Variants in BSG observed in about 807,000 individuals in gnomAD.
BSG encodes basigin (Ok blood group), also known as basigin.
In BSG, 37 loss-of-function variants were observed where a neutral mutation model predicts 43.1. The observed-to-expected ratio is 0.86, with a 90% CI of 0.66 to 1.13. The LOEUF is 1.13. Ranked by LOEUF, BSG falls within the 50% of genes most tolerant of loss-of-function variation. The pLI, the probability that BSG is intolerant of heterozygous loss-of-function variation, is 0.00. For missense variants in BSG, 599 were observed against 554.2 expected (o/e 1.08, Z -0.81); for synonymous variants, 309 against 238.7 (o/e 1.29, Z -2.72).
intron 2 of BSG, 86 bp downstream of exon 2, chr19:578,207 A>C: frequency 2.3e-6 from 3 of 1,293,294 alleles, no homozygotes; most frequent in Non-Finnish European, 3.1e-6. Context: ...TAGAACCCAG[A>C]CGCCTCCTCC....
chr19:582,454 GGTGACTTGGAGAGA>G lies in BSG; in HGVS notation c.1095-51_1095-38del, dbSNP rs1453472312. ...GGTCCTGGGGGCCGGGGTGGGCAGGGGTGACTTGGAGAGAGTGACTTGCGGGGGACACCCTCTCA... is the reference window on the plus strand; with the variant it reads ...GGTCCTGGGGGCCGGGGTGGGCAGGGGTGACTTGCGGGGGACACCCTCTCA... On this transcript the variant is annotated intron_variant, in intron 7 of 8. Coordinates refer to ENST00000333511, the MANE Select transcript of BSG (RefSeq NM_001728.4). The G allele has an allele frequency of 1.4e-4, 222 of 1,602,410 alleles. 1 individual carries two copies. The highest frequency in any genetic ancestry group is 1.4e-3 in the Admixed American group (80 of 58,950).
chr19:580,580 C>T (rs1294740814), intron 4 of BSG, 66 bp from the exon 5 acceptor site: 4 of 1,607,368 alleles, frequency 2.5e-6, no homozygotes, highest in Middle Eastern at 1.7e-4. Context: ...AACAGCCCTC[C>T]TGCGGGAGGC....
chr19:582,411 T>G, intron 7 of BSG, 81 bp downstream of exon 7: 1 of 1,514,976 alleles, frequency 6.6e-7, no homozygotes, highest in Non-Finnish European at 9.0e-7. Flanking sequence ...GCAGAGCCCC[T>G]GGGCTTCAGT....
At chr19:580,047 G>C (rs1488526317) in intron 3 of BSG, 2 of 414,054 alleles carry the variant, frequency 4.8e-6, no homozygotes, top group Non-Finnish European at 8.7e-6. Context: ...GTCATAACTG[G>C]GGCTGGGACG....
upstream of BSG, chr19:571,455 A>G: frequency 3.9e-6 from 3 of 760,250 alleles, no homozygotes; most frequent in South Asian, 4.1e-5. Flanking sequence ...TCGCCGCGGA[A>G]CTTCAAGGGT....
chr19:573,079 C>G (rs1364578328), intron 1 of BSG, among the ~76,000 whole-genome samples: 4 of 119,724 alleles, frequency 3.3e-5, no homozygotes, highest in Non-Finnish European at 5.2e-5. Flanking sequence ...GACCTGCTTC[C>G]TGGGTGAGGG....
Position 577,642 on chromosome 19 carries a change from C to G in BSG, c.68-132C>G. 5 of 718,668 alleles carry G rather than the reference C, an allele frequency of 7.0e-6. No individual in the cohort carries two copies. In the Admixed American group the frequency reaches 1.6e-4, roughly 23 times the overall value. 44.5% of individuals were successfully genotyped at this position (718,668 alleles called of 1,614,324 possible). On this transcript the variant is annotated intron_variant, in intron 1 of 8. Transcript: ENST00000333511. ...CTGTTTCCAGCCGGGCCCCATCACT[C>G]TCCCACAAGCTGAAAGGAAGTGGCT...
intron 1 of BSG, among the ~76,000 whole-genome samples, chr19:575,684 T>C (rs1227506738): frequency 6.7e-6 from 1 of 148,832 alleles, no homozygotes; most frequent in Non-Finnish European, 1.5e-5. Context: ...GCGGCCTGCC[T>C]GGCCCTGAGC....
In BSG at chr19:582,589, T is replaced by C. The variant is rs1982425926; in HGVS notation, c.*5+7T>C. On this transcript the variant is annotated splice_region_variant and intron_variant, in intron 8 of 8. Transcript: ENST00000333511. ...GGAACTCTTCCTGAGGCAGGTGCGG[T>C]GGGCGGGAGCTCCTCCTGAGCCAGG... 1 of 866,374 alleles carries C rather than the reference T, an allele frequency of 1.2e-6. No homozygotes were observed. Among genetic ancestry groups the C allele is most frequent in the African/African-American group, 3.8e-5 (1 of 26,100 alleles). The allele number at this position is 866,374 out of a possible 1,614,324, so 53.7% of individuals were successfully genotyped here. A position where few individuals can be genotyped will look rare whatever the true frequency, so the allele number is the denominator to read the frequency against.
chr19:580,612 G>A lies in BSG; in HGVS notation c.656-34G>A, dbSNP rs200189683. On this transcript the variant is annotated intron_variant, in intron 4 of 8. Transcript: ENST00000333511. Reference sequence around the variant, plus strand: ...AGGCCGGGGATGGGGGCGGGCCTGCGGTTCCAGGCTCCTCTCTCTCACCCT... The same window carrying A: ...AGGCCGGGGATGGGGGCGGGCCTGCAGTTCCAGGCTCCTCTCTCTCACCCT... 1.4e-4 allele frequency: 230 copies of A among 1,611,768 alleles called. 2 individuals are homozygous for A. In the African/African-American group the frequency reaches 2.5e-3, roughly 18 times the overall value.
chr19:581,766 G>T (rs1375577661), intron 6 of BSG, among the ~76,000 whole-genome samples, 175 bp downstream of exon 6: 1 of 152,272 alleles, frequency 6.6e-6, no homozygotes, highest in African/African-American at 2.4e-5. Flanking sequence ...GCCCCGGGCA[G>T]CTGCGGCTCA....
In BSG at chr19:581,466, C is replaced by A; in HGVS notation, c.944C>A (p.Thr315Lys). The stretch of plus-strand genomic sequence containing the variant: ...AAGGGCTCCGACCAGGCCATCATCA[C>A]GCTCCGCGTGCGCAGCCACCTGGCC... The part of the protein sequence containing the change: ...SSKGSDQAII[T>K]LRVRSHLAAL... The change falls in exon 6 of 9, where the codon ACG becomes AAG. Residue 315 changes from threonine to lysine, a missense_variant. Coordinates refer to ENST00000333511, the MANE Select transcript of BSG (RefSeq NM_001728.4). 6.2e-7 allele frequency: 1 copy of A among 1,610,430 alleles called. No homozygotes were observed. Among genetic ancestry groups the A allele is most frequent in the South Asian group, 1.1e-5 (1 of 90,730 alleles).
intron 1 of BSG, among the ~76,000 whole-genome samples, 186 bp from the exon 2 acceptor site, chr19:577,588 G>A (rs759965857): frequency 3.3e-5 from 5 of 152,170 alleles, no homozygotes; most frequent in Non-Finnish European, 7.3e-5. Context: ...AGCAGTGGAC[G>A]GGACGCCCAC....
chr19:581,467 G>A lies in BSG; in HGVS notation c.945G>A (p.Thr315=), dbSNP rs773330019. Residue 315 remains threonine (T), a synonymous_variant, in exon 6 of 9, where the codon ACG becomes ACA. Coordinates refer to ENST00000333511, the MANE Select transcript of BSG (RefSeq NM_001728.4). ...SSKGSDQAII[T]LRVRSHLAAL... ...AGGGCTCCGACCAGGCCATCATCACGCTCCGCGTGCGCAGCCACCTGGCCG... is the reference window on the plus strand; with the variant it reads ...AGGGCTCCGACCAGGCCATCATCACACTCCGCGTGCGCAGCCACCTGGCCG... 2.5e-6 allele frequency: 4 copies of A among 1,609,744 alleles called. No homozygotes were observed. The highest frequency in any genetic ancestry group is 1.7e-5 in the Admixed American group (1 of 59,418).
intron 2 of BSG, 155 bp downstream of exon 2, chr19:578,276 G>T: frequency 1.3e-6 from 1 of 782,972 alleles, no homozygotes; most frequent in East Asian, 3.1e-5. Context: ...GCCCGGACCT[G>T]AAGGGGGTGG....
chr19:578,173 G>T (rs778151013), intron 2 of BSG, 52 bp downstream of exon 2: 2 of 1,447,302 alleles, frequency 1.4e-6, no homozygotes, highest in Non-Finnish European at 1.8e-6. Flanking sequence ...CTCCTGTGCC[G>T]CTCGCCTCCC....
rs1210871662 is a variant in BSG, at chr19:582,567, A to G, written c.1148A>G (p.Asn383Ser). ...AAAGGCAAGAACGTCCGCCAGAGGA[A>G]CTCTTCCTGAGGCAGGTGCGGTGGG... ...NDKGKNVRQR[N>S]SS is the part of the protein sequence containing the mutation. Residue 383 changes from asparagine (N) to serine (S), a missense_variant, in exon 8 of 9, where the codon AAC (asparagine) becomes AGC (serine). Coordinates refer to ENST00000333511, the MANE Select transcript of BSG (RefSeq NM_001728.4). 3.5e-6 allele frequency: 5 copies of G among 1,423,860 alleles called. No homozygotes were observed. Among genetic ancestry groups the G allele is most frequent in the Non-Finnish European group, 3.7e-6 (4 of 1,067,828 alleles). The allele number at this position is 1,423,860 out of a possible 1,614,324, so 88.2% of individuals were successfully genotyped here.
At chr19:579,237 G>T (rs576653835) in intron 2 of BSG, 2 of 578,368 alleles carry the variant, frequency 3.5e-6, no homozygotes, top group Admixed American at 4.4e-5. Context: ...CCCAGGGCCC[G>T]CCAGCTGCCA....
intron 1 of BSG, among the ~76,000 whole-genome samples, chr19:576,682 A>T (rs1981797721): frequency 6.6e-6 from 1 of 151,174 alleles, no homozygotes; most frequent in African/African-American, 2.4e-5. Flanking sequence ...AATTGCTTGA[A>T]CCCGGGAGGC....
Sources: allele counts gnomAD v4.1 joint callset (sites outside exome capture counted in the v4.1 genomes callset), GRCh38; gene constraint gnomAD v4.1.1; transcripts MANE v1.5; gene names NCBI Gene and HGNC (gene_info 2026-07-23, HGNC 2026-07-21).